Variants in NCOA7 observed in about 807,000 individuals in gnomAD.
The protein encoded by NCOA7 is nuclear receptor coactivator 7, also known as 140 kDa estrogen receptor-associated protein.
NCOA7 carries 45 observed loss-of-function variants against 104.3 expected under a neutral mutation model. The observed-to-expected ratio is 0.43, with a 90% confidence interval of 0.34 to 0.55. The LOEUF is 0.55. Ranked by LOEUF, NCOA7 falls within the 20% of genes least tolerant of loss-of-function variation. The pLI is 0.02. For missense variants in NCOA7, 1,041 were observed against 1,119.7 expected, an observed-to-expected ratio of 0.93 and a Z score of 1.00; for synonymous variants, 398 against 402.3, an observed-to-expected ratio of 0.99 and a Z score of 0.13.
intron 13 of NCOA7, 75 bp from the exon 14 acceptor site, chr6:125,927,588 C>A: frequency 8.7e-7 from 1 of 1,149,668 alleles, no homozygotes; most frequent in South Asian, 1.2e-5. Flanking sequence ...CATGATGTAT[C>A]AAAAATATTC....
At chr6:125,781,947 T>C (rs1401228207) in intron 1 of NCOA7, among the ~76,000 whole-genome samples, 2 of 152,210 alleles carry the variant, frequency 1.3e-5, no homozygotes, top group Admixed American at 6.5e-5. Context: ...CCTTCATCCA[T>C]ACCTTTGCCT....
intron 10 of NCOA7, chr6:125,900,142 G>T: frequency 2.3e-6 from 1 of 437,018 alleles, no homozygotes; most frequent in Non-Finnish European, 5.0e-6. Context: ...AGTAGGGGCT[G>T]TGGACCTCTG....
intron 14 of NCOA7, 91 bp from the exon 15 acceptor site, chr6:125,928,083 C>A: frequency 8.3e-7 from 1 of 1,207,868 alleles, no homozygotes; most frequent in Non-Finnish European, 1.2e-6. Context: ...TGAGGTGGTT[C>A]CCTTTTACAT....
chr6:125,796,436 G>A (rs1376300929), intron 1 of NCOA7, among the ~76,000 whole-genome samples: 1 of 143,750 alleles, frequency 7.0e-6, no homozygotes, highest in African/African-American at 2.6e-5. Flanking sequence ...AAAATCTAAG[G>A]ATGCTCAGGT....
rs1784510644 is a variant in NCOA7 at position 125,889,908 on chromosome 6, T to C, written c.1854T>C (p.Cys618=). Residue 618 remains cysteine, a synonymous_variant, in exon 9 of 16, where the codon TGT becomes TGC. Transcript: ENST00000392477. ...SSLESTLDNS[C]QGAQMDNKSE... is the part of the protein sequence containing the mutation. ...TGGAATCTACTCTGGACAACAGCTG[T>C]CAAGGTGCACAAATGGATAATAAAT... 1 of 1,600,024 alleles carries C rather than the reference T, an allele frequency of 6.2e-7. No homozygotes were observed. Among genetic ancestry groups the C allele is most frequent in the Non-Finnish European group, 8.5e-7 (1 of 1,175,752 alleles).
At chr6:125,871,110 C>T (rs1316635845) in intron 3 of NCOA7, among the ~76,000 whole-genome samples, 1 of 152,160 alleles carries the variant, frequency 6.6e-6, no homozygotes. Flanking sequence ...TTTCCCTTGG[C>T]AGTAGATACT....
intron 10 of NCOA7, among the ~76,000 whole-genome samples, chr6:125,909,433 A>G (rs1442026213): frequency 3.3e-5 from 5 of 152,232 alleles, no homozygotes; most frequent in Non-Finnish European, 7.3e-5. Flanking sequence ...GACAAAGACC[A>G]GCAGGAACAC....
At chr6:125,888,485 C>A (rs1784407730) in intron 8 of NCOA7, among the ~76,000 whole-genome samples, 1 of 151,844 alleles carries the variant, frequency 6.6e-6, no homozygotes, top group African/African-American at 2.4e-5. Context: ...ACGAGCTTTT[C>A]AAAATTAATG....
intron 13 of NCOA7, among the ~76,000 whole-genome samples, chr6:125,923,764 T>C (rs920685756): frequency 6.6e-6 from 1 of 152,200 alleles, no homozygotes; most frequent in African/African-American, 2.4e-5. Context: ...GGGAGCTTAC[T>C]GTGAAGCACA....
chr6:125,823,622 T>C (rs1371044325), intron 2 of NCOA7, among the ~76,000 whole-genome samples: 1 of 152,216 alleles, frequency 6.6e-6, no homozygotes, highest in East Asian at 1.9e-4. Flanking sequence ...TATCTGCTAA[T>C]GTTTTCAGGA....
intron 11 of NCOA7, among the ~76,000 whole-genome samples, chr6:125,917,153 A>T (rs1787155901): frequency 1.3e-5 from 2 of 148,274 alleles, no homozygotes; most frequent in South Asian, 4.2e-4. Flanking sequence ...CTAGATCCTT[A>T]TTACTAGAGA....
rs368674127 is a variant in NCOA7, at chr6:125,921,125, C to T, written c.2370+57C>T. 105 of 1,585,658 alleles carry T rather than the reference C, an allele frequency of 6.6e-5. No homozygotes were observed. The African/African-American group carries it at 1.2e-3, about 19-fold the overall frequency. On this transcript the variant is annotated intron_variant, in intron 12 of 15. Transcript: ENST00000392477. ...TTCCTAGGCTTTAAGAAATATTTCC[C>T]TTGGCCAGGTACAGTGGCTCATGCC... is the stretch of plus-strand genomic sequence containing the variant.
chr6:125,789,820 T>A (rs1322889866), upstream of NCOA7, among the ~76,000 whole-genome samples: 1 of 152,166 alleles, frequency 6.6e-6, no homozygotes, highest in African/African-American at 2.4e-5. Flanking sequence ...GAGGCTGCTA[T>A]CTAGTTTATC....
intron 2 of NCOA7, 77 bp from the exon 3 acceptor site, chr6:125,854,943 A>G (rs945318763): frequency 4.2e-5 from 40 of 942,824 alleles, no homozygotes; most frequent in African/African-American, 8.3e-5. Context: ...TTCAAAGTCC[A>G]GCAGCGTGAA....
At chr6:125,830,269 A>T (rs1050031043) in intron 2 of NCOA7, among the ~76,000 whole-genome samples, 44 of 152,206 alleles carry the variant, frequency 2.9e-4, no homozygotes, top group African/African-American at 1.0e-3. Context: ...CTTTTCCAGG[A>T]TGAGTATCGT....
chr6:125,878,341 C>T lies in NCOA7; in HGVS notation c.430C>T (p.Leu144Phe). 6.2e-7 allele frequency: 1 copy of T among 1,612,188 alleles called. No individual in the cohort carries two copies. Among genetic ancestry groups the T allele is most frequent in the Non-Finnish European group, 8.5e-7 (1 of 1,178,994 alleles). The change falls in exon 5 of 16, where the codon CTT becomes TTT. Residue 144 changes from leucine to phenylalanine, a missense_variant. By Grantham distance (22) the Leu-to-Phe change is conservative. This residue lies in a region of NCOA7 where 914 missense variants were observed against 942.7 expected (regional missense o/e 0.97). Transcript: ENST00000392477. ...TPNKLVELNK[L>F]FTHTIVPGQV... ...CAATAAATTGGTGGAACTGAATAAA[C>T]TTTTCACACATACTATTGTTCCAGG...
At chr6:125,869,809 G>A (rs557206561) in intron 3 of NCOA7, among the ~76,000 whole-genome samples, 1 of 152,154 alleles carries the variant, frequency 6.6e-6, no homozygotes, top group Non-Finnish European at 1.5e-5. Context: ...CCAAGAGAGA[G>A]AAAAGGCAAG....
chr6:125,882,199 G>C (rs758384657), intron 6 of NCOA7, among the ~76,000 whole-genome samples: 5 of 151,628 alleles, frequency 3.3e-5, no homozygotes, highest in Non-Finnish European at 7.4e-5. Flanking sequence ...AGTTTTATGG[G>C]TTCATACATA....
At chr6:125,796,019 C>T (rs1315469998) in intron 1 of NCOA7, among the ~76,000 whole-genome samples, 2 of 152,084 alleles carry the variant, frequency 1.3e-5, no homozygotes, top group Non-Finnish European at 2.9e-5. Context: ...ATGCTGTTCC[C>T]TCTGCTTGGA....
Sources: allele counts gnomAD v4.1 joint callset (sites outside exome capture counted in the v4.1 genomes callset), GRCh38; gene constraint gnomAD v4.1.1; regional missense constraint gnomAD v4.1.1; transcripts MANE v1.5; gene names NCBI Gene and HGNC (gene_info 2026-07-23, HGNC 2026-07-21).